The following RNF13 variants were observed in gnomAD, a reference collection of about 807,000 sequenced individuals.
RNF13 encodes ring finger protein 13.
In RNF13, 19 loss-of-function variants were observed where a neutral mutation model predicts 37.7. The ratio of observed to expected loss-of-function variants is 0.50; its 90% CI spans 0.35 to 0.74. The LOEUF is 0.74. Among genes scored for constraint, RNF13 ranks in the 30% least tolerant of loss-of-function variants. RNF13 has a pLI of 0.01. For missense variants in RNF13, 375 were observed against 453.0 expected (o/e 0.83, Z 1.56); for synonymous variants, 144 against 157.8 (o/e 0.91, Z 0.65).
chr3:149,860,717 C>T (rs1724174237), intron 3 of RNF13, among the ~76,000 whole-genome samples: 1 of 152,058 alleles, frequency 6.6e-6, no homozygotes. Context: ...AAAGATTTTA[C>T]AGCTAAAATC....
At chr3:149,944,451 C>T (rs929482276) in intron 8 of RNF13, among the ~76,000 whole-genome samples, 2 of 152,142 alleles carry the variant, frequency 1.3e-5, no homozygotes, top group Non-Finnish European at 2.9e-5. Context: ...AAAAGTGTTC[C>T]TATTTCTCCA....
chr3:149,831,280 A>G (rs1721019223), intron 1 of RNF13, among the ~76,000 whole-genome samples: 1 of 152,198 alleles, frequency 6.6e-6, no homozygotes, highest in Non-Finnish European at 1.5e-5. Context: ...TGCCTGGAAA[A>G]GCTTTACACT....
intron 3 of RNF13, among the ~76,000 whole-genome samples, chr3:149,865,159 C>T (rs1480428016): frequency 6.6e-6 from 1 of 151,612 alleles, no homozygotes; most frequent in East Asian, 1.9e-4. Flanking sequence ...TTCTCCTTAA[C>T]CAGTGTGATC....
rs1476931343 is a variant in RNF13 at position 149,961,210 on chromosome 3, A to G, written c.*106A>G. On this transcript the variant is annotated 3_prime_UTR_variant, in exon 10 of 10. Transcript: ENST00000392894. ...TTTCTGTAGAAATAACTTATTTTTT[A>G]GTATTCTACAGTTTAATCAAATTAC... is the stretch of plus-strand genomic sequence containing the variant. 1 of 980,120 alleles carries G rather than the reference A, an allele frequency of 1.0e-6. No homozygotes were observed. The highest frequency in any genetic ancestry group is 1.6e-5 in the African/African-American group (1 of 60,702). The allele number at this position is 980,120 out of a possible 1,614,324, so 60.7% of individuals were successfully genotyped here. A position where few individuals can be genotyped will look rare whatever the true frequency, so the allele number is the denominator to read the frequency against.
At chr3:149,882,644 A>AT (rs1713561927) in intron 4 of RNF13, among the ~76,000 whole-genome samples, 1 of 152,154 alleles carries the variant, frequency 6.6e-6, no homozygotes, top group Admixed American at 6.5e-5. Context: ...ATTTTCACAA[A>AT]TTTTGCTTAC....
intron 1 of RNF13, among the ~76,000 whole-genome samples, chr3:149,844,365 G>A (rs1722447207): frequency 6.6e-6 from 1 of 152,222 alleles, no homozygotes; most frequent in African/African-American, 2.4e-5. Context: ...TACATGGGAT[G>A]CGTCTAATTC....
chr3:149,814,103 C>T (rs1719176477), intron 1 of RNF13: 1 of 152,206 alleles, frequency 6.6e-6, no homozygotes, highest in Admixed American at 6.6e-5. Flanking sequence ...TCATCAGTTT[C>T]AGCACCGTGG....
chr3:149,960,288 T>C, intron 9 of RNF13, 152 bp downstream of exon 9: 1 of 580,974 alleles, frequency 1.7e-6, no homozygotes, highest in Non-Finnish European at 3.0e-6. Context: ...GAGGTGTATT[T>C]ATAAAAATTT....
At chr3:149,870,353 T>C (rs1290486316) in intron 3 of RNF13, among the ~76,000 whole-genome samples, 1 of 151,610 alleles carries the variant, frequency 6.6e-6, no homozygotes, top group Admixed American at 6.6e-5. Flanking sequence ...TGCTGGGAGT[T>C]TTTTTTACTT....
chr3:149,883,754 A>G (rs1713693146), intron 4 of RNF13, among the ~76,000 whole-genome samples: 1 of 151,638 alleles, frequency 6.6e-6, no homozygotes, highest in Admixed American at 6.6e-5. Flanking sequence ...CAGGTTTGGT[A>G]CATAGGTAAA....
chr3:149,905,410 C>T (rs1576854280), intron 6 of RNF13, among the ~76,000 whole-genome samples: 1 of 151,720 alleles, frequency 6.6e-6, no homozygotes, highest in Non-Finnish European at 1.5e-5. Context: ...TACCTCTAGG[C>T]CAGTTTTTTG....
chr3:149,951,530 CTTTT>C (rs1721337717), intron 8 of RNF13, among the ~76,000 whole-genome samples: 1 of 152,168 alleles, frequency 6.6e-6, no homozygotes, highest in Non-Finnish European at 1.5e-5. Context: ...TCATGGCACT[CTTTT>C]ATCATTTGCC....
chr3:149,919,988 A>G (rs1329858609), intron 7 of RNF13, among the ~76,000 whole-genome samples: 2 of 152,134 alleles, frequency 1.3e-5, no homozygotes, highest in African/African-American at 2.4e-5. Context: ...TTGTTTTCCT[A>G]TTGACTACTA....
Position 149,872,810 on chromosome 3 carries a change from C to T in RNF13, c.321+656C>T, listed in dbSNP as rs16862283. Among the ~76,000 whole-genome samples, 3,450 of 152,216 alleles carry T rather than the reference C, an allele frequency of 0.023. 354 individuals are homozygous for T. In the East Asian group the frequency reaches 0.34, roughly 15 times the overall value. On this transcript the variant is annotated intron_variant, in intron 4 of 9. Transcript: ENST00000392894. The stretch of plus-strand genomic sequence containing the variant: ...GTCACTTGGTCTTAGATAATTTGTC[C>T]GTTCAGCAAGAAAAACCGCCCTGTC...
chr3:149,826,886 A>G (rs534627165), intron 1 of RNF13, among the ~76,000 whole-genome samples: 2 of 152,226 alleles, frequency 1.3e-5, no homozygotes, highest in East Asian at 3.9e-4. Context: ...CCTCCTGAGT[A>G]GCTGGGACTA....
intron 4 of RNF13, among the ~76,000 whole-genome samples, chr3:149,873,650 G>T (rs1712344317): frequency 6.6e-6 from 1 of 152,132 alleles, no homozygotes; most frequent in East Asian, 1.9e-4. Context: ...TCTGTCTCCA[G>T]TGATCTTTAC....
At chr3:149,821,051 T>G (rs1056739161) in intron 1 of RNF13, among the ~76,000 whole-genome samples, 15 of 152,222 alleles carry the variant, frequency 9.9e-5, no homozygotes, top group Non-Finnish European at 1.9e-4. Context: ...ATATATCAGT[T>G]TGTTTATCCA....
chr3:149,917,964 C>T (rs1417635499), intron 7 of RNF13, among the ~76,000 whole-genome samples: 1 of 152,030 alleles, frequency 6.6e-6, no homozygotes, highest in Non-Finnish European at 1.5e-5. Flanking sequence ...TCACCACAAT[C>T]GTTAATAATT....
intron 8 of RNF13, among the ~76,000 whole-genome samples, chr3:149,926,222 G>GT (rs1199177537): frequency 6.6e-6 from 1 of 151,968 alleles, no homozygotes; most frequent in Non-Finnish European, 1.5e-5. Context: ...GTCTTGATTT[G>GT]TTTTTTTGAG....
Sources: gnomAD v4.1 joint callset for allele counts (sites outside exome capture counted in the v4.1 genomes callset) on GRCh38, gnomAD v4.1.1 for gene constraint, MANE v1.5 for transcripts, NCBI Gene and HGNC (gene_info 2026-07-23, HGNC 2026-07-21) for gene names.